Variants in RAD23B observed in about 807,000 individuals in gnomAD.
The protein encoded by RAD23B is RAD23 nucleotide excision repair protein B.
A neutral mutation model predicts 49.1 loss-of-function variants in RAD23B; 5 were observed. The ratio of observed to expected loss-of-function variants is 0.10; its 90% CI spans 0.05 to 0.21. The LOEUF (loss-of-function observed/expected upper bound fraction) is 0.21, where lower values mean the gene tolerates loss of function less well. RAD23B is among the 10% of genes least tolerant of loss of function. RAD23B has a pLI of 1.00. For missense variants in RAD23B, 356 were observed against 486.7 expected (o/e 0.73, Z 2.53); for synonymous variants, 184 against 165.4 (o/e 1.11, Z -0.86).
chr9:107,297,306 A>C (rs527549526), intron 1 of RAD23B, among the ~76,000 whole-genome samples: 86 of 151,590 alleles, frequency 5.7e-4, no homozygotes, highest in African/African-American at 2.0e-3. Flanking sequence ...TCTTGTGTTG[A>C]GCTCCCATTG....
intron 9 of RAD23B, among the ~76,000 whole-genome samples, chr9:107,327,975 T>TGAAAC: frequency 6.6e-6 from 1 of 152,354 alleles, no homozygotes; most frequent in African/African-American, 2.4e-5. Context: ...ATCTTAAATC[T>TGAAAC]GTTTCCTCTG....
intron 3 of RAD23B, among the ~76,000 whole-genome samples, chr9:107,304,583 T>C (rs1826720989): frequency 6.6e-6 from 1 of 152,252 alleles, no homozygotes; most frequent in Admixed American, 6.5e-5. Flanking sequence ...GTGTCTTCTT[T>C]ATTAGTTCAA....
chr9:107,296,283 A>C (rs537831686), intron 1 of RAD23B, among the ~76,000 whole-genome samples: 78 of 152,300 alleles, frequency 5.1e-4, no homozygotes, highest in African/African-American at 1.6e-3. Flanking sequence ...AAAAATGTTG[A>C]AGCATCTTGG....
intron 9 of RAD23B, among the ~76,000 whole-genome samples, chr9:107,327,228 C>T (rs895662642): frequency 1.3e-5 from 2 of 150,404 alleles, no homozygotes; most frequent in South Asian, 2.1e-4. Context: ...TGTTGATTCT[C>T]CCTATTGTTT....
At chr9:107,290,621 A>G (rs1161179744) in intron 1 of RAD23B, among the ~76,000 whole-genome samples, 1 of 152,220 alleles carries the variant, frequency 6.6e-6, no homozygotes, top group Admixed American at 6.5e-5. Flanking sequence ...TGAGAGTAAT[A>G]ATAATTGAAC....
At chr9:107,285,896 T>C (rs1414493151) in intron 1 of RAD23B, among the ~76,000 whole-genome samples, 3 of 152,224 alleles carry the variant, frequency 2.0e-5, no homozygotes, top group African/African-American at 7.2e-5. Context: ...ATTCTATGTT[T>C]GTAGTGGGTT....
chr9:107,322,295 A>G (rs1013759965), intron 7 of RAD23B, among the ~76,000 whole-genome samples, 177 bp downstream of exon 7: 3 of 152,238 alleles, frequency 2.0e-5, no homozygotes, highest in Non-Finnish European at 4.4e-5. Flanking sequence ...AGTGGATGTA[A>G]AAGGTATCCT....
intron 4 of RAD23B, among the ~76,000 whole-genome samples, chr9:107,307,950 C>T (rs1348839365): frequency 1.3e-5 from 2 of 152,138 alleles, no homozygotes; most frequent in East Asian, 3.9e-4. Flanking sequence ...TGGATACCAC[C>T]TAGAGTCAGG....
intron 1 of RAD23B, among the ~76,000 whole-genome samples, chr9:107,288,231 A>C (rs12551936): frequency 0.11 from 16,323 of 152,180 alleles, 1,128 homozygotes; most frequent in Non-Finnish European, 0.16. Context: ...GTGATCCCCC[A>C]ACGTAGTGTG....
At chr9:107,284,088 CT>C (rs1455293682) in intron 1 of RAD23B, 1 of 1,005,772 alleles carries the variant, frequency 9.9e-7, no homozygotes, top group East Asian at 1.0e-4. Context: ...GCCACTACCC[CT>C]GTGTGGACCT....
chr9:107,306,280 A>T, intron 3 of RAD23B, 99 bp from the exon 4 acceptor site: 2 of 1,101,486 alleles, frequency 1.8e-6, no homozygotes, highest in South Asian at 1.6e-5. Context: ...GGTTGTTATT[A>T]GTGCTATGTT....
At position 107,306,405 on chromosome 9, in the gene RAD23B, A is replaced by G. The variant is rs1246019908; in HGVS notation, c.255A>G (p.Pro85=). 7.4e-6 allele frequency: 12 copies of G among 1,614,146 alleles called. No homozygotes were observed. The highest frequency in any genetic ancestry group is 2.7e-5 in the African/African-American group (2 of 75,040). Reference sequence around the variant, plus strand: ...CCAAAGCAGTGTCCACACCAGCACCAGCTACAACTCAGCAGTCAGCTCCTG... The same window carrying G: ...CCAAAGCAGTGTCCACACCAGCACCGGCTACAACTCAGCAGTCAGCTCCTG... ...TKPKAVSTPA[P]ATTQQSAPAS... The change falls in exon 4 of 10, where the codon CCA becomes CCG. Residue 85 remains proline, a synonymous_variant. Coordinates refer to ENST00000358015, the MANE Select transcript of RAD23B (RefSeq NM_002874.5).
In RAD23B at chr9:107,306,371, G is replaced by A; in HGVS notation, c.229-8G>A. On this transcript the variant is annotated splice_polypyrimidine_tract_variant and splice_region_variant and intron_variant, in intron 3 of 9. Transcript: ENST00000358015. ...TATTGTAATTATTTTGTCTTTTAATGTGTTTAGCCCAAAGCAGTGTCCACA... is the reference window on the plus strand; with the variant it reads ...TATTGTAATTATTTTGTCTTTTAATATGTTTAGCCCAAAGCAGTGTCCACA... The A allele has an allele frequency of 6.2e-7, 1 of 1,603,762 alleles. No individual in the cohort carries two copies. The highest frequency in any genetic ancestry group is 1.1e-5 in the South Asian group (1 of 90,646).
chr9:107,331,813 G>T lies in RAD23B; in HGVS notation c.*2157G>T. On this transcript the variant is annotated 3_prime_UTR_variant, in exon 10 of 10. Transcript: ENST00000358015. ...CAGAAGACAGCTCAGGCCAAGTTTT[G>T]ATCGTTCCATACAGTACCTTGTTTA... 1 of 751,870 alleles carries T rather than the reference G, an allele frequency of 1.3e-6. No individual in the cohort carries two copies. 46.6% of individuals were successfully genotyped at this position (751,870 alleles called of 1,614,324 possible).
At chr9:107,287,446 A>G (rs1172598195) in intron 1 of RAD23B, among the ~76,000 whole-genome samples, 1 of 152,228 alleles carries the variant, frequency 6.6e-6, no homozygotes, top group Non-Finnish European at 1.5e-5. Flanking sequence ...TTCTACATAT[A>G]CATTGGATGT....
At chr9:107,313,277 G>A (rs1046397135) in intron 5 of RAD23B, among the ~76,000 whole-genome samples, 6 of 151,762 alleles carry the variant, frequency 4.0e-5, no homozygotes, top group Admixed American at 2.6e-4. Flanking sequence ...CCAGGCTGGA[G>A]TGCAGTGGCA....
At chr9:107,295,913 TAGAA>T (rs149663695) in intron 1 of RAD23B, among the ~76,000 whole-genome samples, 1,761 of 152,196 alleles carry the variant, frequency 0.012, 25 homozygotes, top group African/African-American at 0.039. Flanking sequence ...TTTTTGATAT[TAGAA>T]AGAAGGTGAT....
At chr9:107,299,964 A>C (rs1826613838) in intron 1 of RAD23B, among the ~76,000 whole-genome samples, 177 bp from the exon 2 acceptor site, 1 of 152,290 alleles carries the variant, frequency 6.6e-6, no homozygotes, top group South Asian at 2.1e-4. Flanking sequence ...TATCATAACT[A>C]GTAATATGAG....
At chr9:107,292,328 C>G (rs1227350532) in intron 1 of RAD23B, among the ~76,000 whole-genome samples, 3 of 152,200 alleles carry the variant, frequency 2.0e-5, no homozygotes, top group Admixed American at 2.0e-4. Flanking sequence ...ATGAGCACCT[C>G]TAGCATTGAT....
Sources: gnomAD v4.1 joint callset for allele counts (sites outside exome capture counted in the v4.1 genomes callset) on GRCh38, gnomAD v4.1.1 for gene constraint, MANE v1.5 for transcripts, NCBI Gene and HGNC (gene_info 2026-07-23, HGNC 2026-07-21) for gene names.